The following WDR81 variants were observed in gnomAD, a reference collection of about 807,000 sequenced individuals.
WDR81 encodes WD repeat domain 81.
Under a neutral mutation model 140.8 loss-of-function variants are expected in WDR81, and 92 were observed. The observed-to-expected ratio is 0.65, with a 90% CI of 0.55 to 0.78. WDR81 has a LOEUF of 0.78. Among genes scored for constraint, WDR81 ranks in the 30% least tolerant of loss-of-function variants. WDR81 has a pLI of 0.00. For synonymous variants in WDR81, 1,183 were observed against 1,156.4 expected (o/e 1.02, Z -0.47); for missense variants, 2,502 against 2,636.4 (o/e 0.95, Z 1.12).
intron 1 of WDR81, 85 bp downstream of exon 1, chr17:1,728,711 T>C: frequency 1.5e-6 from 2 of 1,371,072 alleles, no homozygotes; most frequent in Non-Finnish European, 1.9e-6. Context: ...TCCCAGCACT[T>C]TGGGAGGCTG....
At chr17:1,732,582 G>A (rs939114064) in intron 5 of WDR81, 84 bp from the exon 6 acceptor site, 11 of 1,574,656 alleles carry the variant, frequency 7.0e-6, no homozygotes, top group Non-Finnish European at 8.6e-6. Flanking sequence ...TCTGAAGCTG[G>A]ACTCCGCGGG....
chr17:1,723,755 G>C (rs1915024556), upstream of WDR81, among the ~76,000 whole-genome samples: 1 of 151,970 alleles, frequency 6.6e-6, no homozygotes, highest in Non-Finnish European at 1.5e-5. Context: ...AAAGTGCTGG[G>C]ATTACAGGCG....
chr17:1,729,144 T>G (rs1411462509), intron 1 of WDR81, among the ~76,000 whole-genome samples: 1 of 152,040 alleles, frequency 6.6e-6, no homozygotes, highest in South Asian at 2.1e-4. Context: ...ATTATGTTAG[T>G]GCGATAAAGA....
intron 4 of WDR81, 30 bp from the exon 5 acceptor site, chr17:1,732,295 C>T (rs370237696): frequency 1.4e-5 from 23 of 1,602,958 alleles, no homozygotes; most frequent in Admixed American, 1.7e-5. Flanking sequence ...TGCAGAACGG[C>T]GGGCTGGAGC....
At position 1,732,333 on chromosome 17, in the gene WDR81, G is replaced by C. The variant is rs1446663041; in HGVS notation, c.4166G>C (p.Ser1389Thr). The C allele has an allele frequency of 1.2e-6, 2 of 1,613,120 alleles. No homozygotes were observed. Among genetic ancestry groups the C allele is most frequent in the Non-Finnish European group, 1.7e-6 (2 of 1,179,970 alleles). Residue 1389 changes from serine to threonine, a missense_variant, in exon 5 of 10, where the codon AGT (serine) becomes ACT (threonine). Physicochemically the swap from Ser to Thr is moderately conservative, Grantham distance 58. Transcript: ENST00000409644. Reference protein sequence around the residue: ...FLTSLVTGFPSGAQARTILCV... With the variant: ...FLTSLVTGFPTGAQARTILCV... ...ATGAGCTCTGTTTCCAGGTTCCCAAGTGGGGCCCAGGCTCGGACCATCCTG... is the reference window on the plus strand; with the variant it reads ...ATGAGCTCTGTTTCCAGGTTCCCAACTGGGGCCCAGGCTCGGACCATCCTG...
chr17:1,730,222 G>A (rs192999203), intron 1 of WDR81, among the ~76,000 whole-genome samples, 158 bp from the exon 2 acceptor site: 1 of 152,034 alleles, frequency 6.6e-6, no homozygotes, highest in Admixed American at 6.5e-5. Context: ...CACCTCTGCC[G>A]CTGTTACGTG....
Position 1,728,197 on chromosome 17 carries a change from C to G in WDR81, c.3238C>G (p.Pro1080Ala), listed in dbSNP as rs753798569. ...CAGCTTCCACGACCAGGCTGACCTC[C>G]CTGAGACAGAGGACTTCCAAGCCGG... Reference protein sequence around the residue: ...GVSFHDQADLPETEDFQAGLY... With the variant: ...GVSFHDQADLAETEDFQAGLY... The change falls in exon 1 of 10, where the codon CCT (proline) becomes GCT (alanine). Residue 1080 changes from proline to alanine, a missense_variant. Pro to Ala is a conservative substitution (Grantham distance 27, BLOSUM62 -1). Transcript: ENST00000409644. 1.2e-6 allele frequency: 2 copies of G among 1,605,936 alleles called. No homozygotes were observed. Among genetic ancestry groups the G allele is most frequent in the Admixed American group, 1.7e-5 (1 of 59,772 alleles).
At chr17:1,728,859 A>G (rs938498620) in intron 1 of WDR81, among the ~76,000 whole-genome samples, 12 of 152,148 alleles carry the variant, frequency 7.9e-5, no homozygotes, top group African/African-American at 2.9e-4. Flanking sequence ...AGGCTGAGGC[A>G]GGAGAATGGC....
chr17:1,718,145 T>C (rs1325523913), intron 1 of WDR81, among the ~76,000 whole-genome samples: 1 of 151,640 alleles, frequency 6.6e-6, no homozygotes, highest in African/African-American at 2.4e-5. Flanking sequence ...TGAGACAGAG[T>C]CTCGCTCTGT....
At chr17:1,732,565 C>T (rs1597299202) in intron 5 of WDR81, 75 bp downstream of exon 5, 1 of 1,580,504 alleles carries the variant, frequency 6.3e-7, no homozygotes, top group East Asian at 2.3e-5. Context: ...GCATCTTGCT[C>T]ATAGGATCTG....
rs542161946 is a variant in WDR81 at position 1,735,484 on chromosome 17, G to C, written c.5180-88G>C. On this transcript the variant is annotated intron_variant, in intron 7 of 9. Transcript: ENST00000409644. This position sits in a 1 kb window ranked among gnomAD's most constrained non-coding sequence, Gnocchi z 4.2. Reference sequence around the variant, plus strand: ...AAGGATCCCTGGGGGACGGGAGGCAGGTGTGCGGTGAGTTGGGGGATTAGA... The same window carrying C: ...AAGGATCCCTGGGGGACGGGAGGCACGTGTGCGGTGAGTTGGGGGATTAGA... The C allele has an allele frequency of 6.1e-6, 8 of 1,313,192 alleles. No homozygotes were observed. Among genetic ancestry groups the C allele is most frequent in the Non-Finnish European group, 8.2e-6 (8 of 978,168 alleles). 81.3% of individuals were successfully genotyped at this position (1,313,192 alleles called of 1,614,324 possible).
upstream of WDR81, among the ~76,000 whole-genome samples, chr17:1,723,835 T>C (rs991572405): frequency 1.3e-5 from 2 of 152,226 alleles, no homozygotes; most frequent in African/African-American, 4.8e-5. Context: ...GCAGTGCTCC[T>C]GGGCAGAAAG....
intron 1 of WDR81, chr17:1,717,018 T>C (rs1357112114): frequency 6.1e-6 from 2 of 330,286 alleles, no homozygotes; most frequent in Non-Finnish European, 1.1e-5. Flanking sequence ...TAACAAAAGA[T>C]TCATAGCACA....
chr17:1,728,230 G>T lies in WDR81; in HGVS notation c.3271G>T (p.Val1091Leu). 1 of 1,609,474 alleles carries T rather than the reference G, an allele frequency of 6.2e-7. No individual in the cohort carries two copies. Among genetic ancestry groups the T allele is most frequent in the Non-Finnish European group, 8.5e-7 (1 of 1,177,546 alleles). Residue 1091 changes from valine to leucine, a missense_variant, in exon 1 of 10, where the codon GTG becomes TTG. By Grantham distance (32) the Val-to-Leu change is conservative (BLOSUM62 1). Around this residue, in one of 3 missense-constraint regions of WDR81, gnomAD observed 1,737 missense variants for 1,843.0 expected, o/e 0.94. Coordinates refer to ENST00000409644, the MANE Select transcript of WDR81 (RefSeq NM_001163809.2). ...AGAGGACTTCCAAGCCGGGCTCTAT[G>T]TGACTGAGTCTCCCCAGCCCCAGGA... ...ETEDFQAGLY[V>L]TESPQPQEAE...
chr17:1,725,788 C>G lies in WDR81; in HGVS notation c.829C>G (p.Gln277Glu). ...GAGGGCTATGGACGCCTGTCACCGC[C>G]AGGGGCTGGCGTGTGGGGCCCTGTC... is the stretch of plus-strand genomic sequence containing the variant. ...VLRAMDACHR[Q>E]GLACGALSLY... Residue 277 changes from glutamine to glutamate, a missense_variant, in exon 1 of 10, where the codon CAG (glutamine) becomes GAG (glutamate). By Grantham distance (29) the Gln-to-Glu change is conservative (BLOSUM62 2). This residue lies in a region of WDR81 where 547 missense variants were observed against 513.8 expected (regional missense o/e 1.06). Transcript: ENST00000409644. 6.4e-7 allele frequency: 1 copy of G among 1,550,672 alleles called. No individual in the cohort carries two copies. The highest frequency in any genetic ancestry group is 8.7e-7 in the Non-Finnish European group (1 of 1,147,014).
intron 1 of WDR81, among the ~76,000 whole-genome samples, chr17:1,719,556 G>C (rs12948283): frequency 0.26 from 33,017 of 129,248 alleles, 3,772 homozygotes; most frequent in South Asian, 0.42. Flanking sequence ...CTCAAAAAAA[G>C]AAAAAAAAAA....
upstream of WDR81, among the ~76,000 whole-genome samples, chr17:1,722,441 G>A (rs533076320): frequency 6.6e-6 from 1 of 150,942 alleles, no homozygotes; most frequent in East Asian, 2.0e-4. Flanking sequence ...CTGCCTCCTG[G>A]GTTCAAGCGA....
chr17:1,724,801 C>G lies in WDR81; in HGVS notation c.-159C>G, dbSNP rs901186642. 6.7e-6 allele frequency: 8 copies of G among 1,189,738 alleles called. No homozygotes were observed. Among genetic ancestry groups the G allele is most frequent in the Non-Finnish European group, 8.3e-6 (8 of 960,866 alleles). The allele number at this position is 1,189,738 out of a possible 1,614,324, so 73.7% of individuals were successfully genotyped here. ...CCCGCGGAGGGGTAAGCGCGCCCCC[C>G]GTCCGCCTCTTCGCCGCCGCCGGCT... On this transcript the variant is annotated 5_prime_UTR_variant, in exon 1 of 10. Transcript: ENST00000409644.
Position 1,732,689 on chromosome 17 carries a change from C to A in WDR81, c.4347C>A (p.Gly1449=). 1 of 1,609,332 alleles carries A rather than the reference C, an allele frequency of 6.2e-7. No homozygotes were observed. Among genetic ancestry groups the A allele is most frequent in the Non-Finnish European group, 8.5e-7 (1 of 1,178,020 alleles). Residue 1449 remains glycine, a synonymous_variant, in exon 6 of 10, where the codon GGC becomes GGA. Transcript: ENST00000409644. ...RQQDLKLDPA[G]RGEGQLPQVV... ...AGGATCTGAAGCTGGACCCTGCGGG[C>A]CGTGGTGAGGGCCAGCTGCCACAGG...
Sources: gnomAD v4.1 joint callset for allele counts (sites outside exome capture counted in the v4.1 genomes callset) on GRCh38, gnomAD v4.1.1 for gene constraint, gnomAD v4.1.1 regional missense constraint, Gnocchi (gnomAD v3.1) non-coding constraint, MANE v1.5 for transcripts, NCBI Gene and HGNC (gene_info 2026-07-23, HGNC 2026-07-21) for gene names.